Variants in CACNA2D1 observed in about 807,000 individuals in gnomAD.
The protein encoded by CACNA2D1 is voltage-dependent calcium channel subunit alpha-2/delta-1.
Under a neutral mutation model 171.5 loss-of-function variants are expected in CACNA2D1, and 53 were observed. That is an observed-to-expected ratio of 0.31 (90% CI 0.25 to 0.39). The LOEUF (loss-of-function observed/expected upper bound fraction) is 0.39, where lower values mean the gene tolerates loss of function less well. CACNA2D1 is among the 10% of genes least tolerant of loss of function. The pLI, the probability that CACNA2D1 is intolerant of heterozygous loss-of-function variation, is 1.00. For synonymous variants in CACNA2D1, 442 were observed against 443.1 expected, an observed-to-expected ratio of 1.00 and a Z score of 0.03; for missense variants, 903 against 1,299.8, an observed-to-expected ratio of 0.69 and a Z score of 4.69.
At chr7:82,368,209 A>G (rs993156200) in intron 1 of CACNA2D1, among the ~76,000 whole-genome samples, 9 of 152,222 alleles carry the variant, frequency 5.9e-5, no homozygotes, top group African/African-American at 2.2e-4. Flanking sequence ...CCTCGTAGCA[A>G]GCAGAAACTT....
chr7:82,101,105 A>G (rs1290990769), intron 6 of CACNA2D1, among the ~76,000 whole-genome samples: 1 of 152,156 alleles, frequency 6.6e-6, no homozygotes, highest in African/African-American at 2.4e-5. Context: ...TCTTATTTAT[A>G]TAAGATATTA....
intron 6 of CACNA2D1, among the ~76,000 whole-genome samples, chr7:82,102,487 C>T (rs258672): frequency 0.84 from 126,974 of 151,642 alleles, 53,576 homozygotes; most frequent in African/African-American, 0.95. Flanking sequence ...CATATATATA[C>T]ACACACACAC....
At chr7:82,263,975 T>C (rs537695803) in intron 3 of CACNA2D1, among the ~76,000 whole-genome samples, 2 of 152,260 alleles carry the variant, frequency 1.3e-5, no homozygotes, top group South Asian at 4.1e-4. Flanking sequence ...AATATTCTAG[T>C]TTAACATGAT....
At chr7:82,384,078 C>T (rs1161696147) in intron 1 of CACNA2D1, among the ~76,000 whole-genome samples, 3 of 152,124 alleles carry the variant, frequency 2.0e-5, no homozygotes, top group Non-Finnish European at 2.9e-5. Flanking sequence ...ACCTCCTTTT[C>T]GGTTATAGTA....
intron 1 of CACNA2D1, among the ~76,000 whole-genome samples, chr7:82,390,812 G>A (rs573280071): frequency 6.6e-6 from 1 of 151,816 alleles, no homozygotes; most frequent in Non-Finnish European, 1.5e-5. Context: ...GAGACTAACA[G>A]GGTTATAAAA....
chr7:82,002,154 A>G (rs1351661705), intron 18 of CACNA2D1, among the ~76,000 whole-genome samples: 2 of 151,788 alleles, frequency 1.3e-5, no homozygotes, highest in East Asian at 3.9e-4. Context: ...TCCAGAGATG[A>G]TGGTATCCAA....
At chr7:82,346,771 A>G (rs765907138) in intron 2 of CACNA2D1, among the ~76,000 whole-genome samples, 1 of 152,144 alleles carries the variant, frequency 6.6e-6, no homozygotes, top group Non-Finnish European at 1.5e-5. Context: ...TCTAATTTAT[A>G]TCTTTTATAA....
At chr7:82,155,048 C>T (rs954477868) in intron 4 of CACNA2D1, among the ~76,000 whole-genome samples, 19 of 151,886 alleles carry the variant, frequency 1.3e-4, no homozygotes, top group Non-Finnish European at 2.6e-4. Flanking sequence ...GTGTGTGGCA[C>T]CTCCCTCCTC....
intron 3 of CACNA2D1, among the ~76,000 whole-genome samples, chr7:82,301,407 G>C (rs976384538): frequency 6.6e-6 from 1 of 152,062 alleles, no homozygotes; most frequent in Non-Finnish European, 1.5e-5. Context: ...TTATAAGCGT[G>C]AGCCACCGTG....
At chr7:81,959,447 G>A in intron 37 of CACNA2D1, 90 bp from the exon 38 acceptor site, 1 of 912,870 alleles carries the variant, frequency 1.1e-6, no homozygotes, top group Admixed American at 1.8e-5. Flanking sequence ...AAACATGTGA[G>A]AGAGATAACT....
intron 1 of CACNA2D1, among the ~76,000 whole-genome samples, chr7:82,429,026 G>T (rs1829442744): frequency 6.6e-6 from 1 of 152,116 alleles, no homozygotes; most frequent in African/African-American, 2.4e-5. Context: ...ATTCCGACTG[G>T]ACAAAAAAGT....
At chr7:82,392,653 G>A (rs1020083779) in intron 1 of CACNA2D1, among the ~76,000 whole-genome samples, 4 of 152,188 alleles carry the variant, frequency 2.6e-5, no homozygotes, top group African/African-American at 9.6e-5. Flanking sequence ...GACTGGCAAA[G>A]TGGCCACGAA....
intron 3 of CACNA2D1, among the ~76,000 whole-genome samples, chr7:82,277,899 C>T (rs1158162285): frequency 6.6e-6 from 1 of 151,684 alleles, no homozygotes; most frequent in Non-Finnish European, 1.5e-5. Flanking sequence ...GCACATGCCA[C>T]CACACCGGGC....
In CACNA2D1 at chr7:82,161,257, A is replaced by C. The variant is rs555574501; in HGVS notation, c.354+9293T>G. 3.9e-5 allele frequency among the ~76,000 whole-genome samples: 6 copies of C among 152,154 alleles called. No individual in the cohort carries two copies. The South Asian group carries it at 1.2e-3, about 32-fold the overall frequency. ...TTTTATGGCTTCAGGAAAGAAAGACATGAGGGAAGGTCAAAGAGACCTCCC... is the reference window on the plus strand; with the variant it reads ...TTTTATGGCTTCAGGAAAGAAAGACCTGAGGGAAGGTCAAAGAGACCTCCC... On this transcript the variant is annotated intron_variant, in intron 4 of 38. Transcript: ENST00000356860.
intron 3 of CACNA2D1, among the ~76,000 whole-genome samples, chr7:82,323,265 A>T (rs564912531): frequency 6.4e-4 from 89 of 138,646 alleles, no homozygotes; most frequent in African/African-American, 2.5e-3. Flanking sequence ...CTATGTTGTT[A>T]AAAAAAAAAA....
intron 1 of CACNA2D1, among the ~76,000 whole-genome samples, chr7:82,442,275 G>A (rs1270234492): frequency 1.3e-5 from 2 of 152,138 alleles, no homozygotes; most frequent in Middle Eastern, 3.4e-3. Flanking sequence ...GCCAACAAAG[G>A]ACAGCAAGTA....
chr7:82,345,717 T>TGTGTGC (rs1819170960), intron 2 of CACNA2D1, among the ~76,000 whole-genome samples: 1 of 150,528 alleles, frequency 6.6e-6, no homozygotes, highest in African/African-American at 2.5e-5. Context: ...TGTGTGTGTG[T>TGTGTGC]TTAGAAATAT....
At chr7:82,090,111 T>C (rs1411386377) in intron 6 of CACNA2D1, among the ~76,000 whole-genome samples, 1 of 152,180 alleles carries the variant, frequency 6.6e-6, no homozygotes, top group African/African-American at 2.4e-5. Flanking sequence ...TTTACATAAC[T>C]ACCATTAGGG....
intron 1 of CACNA2D1, among the ~76,000 whole-genome samples, chr7:82,428,102 A>T (rs980720272): frequency 1.0e-4 from 14 of 139,600 alleles, no homozygotes; most frequent in South Asian, 2.1e-4. Context: ...AAAATAAAAA[A>T]TAAATAAAAA....
Sources: gnomAD v4.1 joint callset for allele counts (sites outside exome capture counted in the v4.1 genomes callset) on GRCh38, gnomAD v4.1.1 for gene constraint, MANE v1.5 for transcripts, NCBI Gene and HGNC (gene_info 2026-07-23, HGNC 2026-07-21) for gene names.